CELSR1: variants seen among roughly 807,000 people sequenced by gnomAD.
CELSR1 encodes the protein cadherin EGF LAG seven-pass G-type receptor 1, also known as adhesion G protein-coupled receptor C1.
A neutral mutation model predicts 249.1 loss-of-function variants in CELSR1; 110 were observed. The observed-to-expected ratio is 0.44, with a 90% CI of 0.38 to 0.52. CELSR1 has a LOEUF of 0.52. Ranked by LOEUF, CELSR1 falls within the 20% of genes least tolerant of loss-of-function variation. The pLI, the probability that CELSR1 is intolerant of heterozygous loss-of-function variation, is 0.00. For missense variants in CELSR1, 4,109 were observed against 4,296.4 expected, an observed-to-expected ratio of 0.96 and a Z score of 1.22; for synonymous variants, 2,113 against 1,900.0, an observed-to-expected ratio of 1.11 and a Z score of -2.92.
At chr22:46,510,379 C>T (rs2080560755) in intron 1 of CELSR1, among the ~76,000 whole-genome samples, 1 of 152,082 alleles carries the variant, frequency 6.6e-6, no homozygotes, top group South Asian at 2.1e-4. Flanking sequence ...ACCCCCTTCC[C>T]GGAGCTTCCC....
intron 5 of CELSR1, among the ~76,000 whole-genome samples, chr22:46,432,306 G>C (rs1602127712): frequency 6.6e-6 from 1 of 152,234 alleles, no homozygotes; most frequent in South Asian, 2.1e-4. Flanking sequence ...CCCAACTGCT[G>C]GTGAGTCGCA....
At chr22:46,388,755 G>C (rs2079057337) in intron 18 of CELSR1, among the ~76,000 whole-genome samples, 1 of 151,548 alleles carries the variant, frequency 6.6e-6, no homozygotes. Flanking sequence ...AAACGATACT[G>C]CTCAGGGGAT....
In CELSR1 at chr22:46,408,870, C is replaced by T. The variant is rs2079296992; in HGVS notation, c.5226+126G>A. 2.7e-6 allele frequency: 2 copies of T among 728,094 alleles called. No homozygotes were observed. Among genetic ancestry groups the T allele is most frequent in the Non-Finnish European group, 2.2e-6 (1 of 458,452 alleles). 45.1% of individuals were successfully genotyped at this position (728,094 alleles called of 1,614,324 possible). A position where few individuals can be genotyped will look rare whatever the true frequency, so the allele number is the denominator to read the frequency against. On this transcript the variant is annotated intron_variant, in intron 9 of 34. Transcript: ENST00000674500. The surrounding 1 kb of genome is among the most constrained non-coding windows in gnomAD (Gnocchi z 4.6). ...CCCCTTCCCCCTCTTCGGAGAACCC[C>T]AGGGGCGGGCGCCGGAGGAAGGGCG...
chr22:46,452,225 A>G (rs552591185), intron 2 of CELSR1, among the ~76,000 whole-genome samples: 1 of 152,162 alleles, frequency 6.6e-6, no homozygotes, highest in East Asian at 1.9e-4. Flanking sequence ...TCCAGGGTCA[A>G]TCTCCTGAGG....
intron 5 of CELSR1, among the ~76,000 whole-genome samples, chr22:46,426,015 C>T (rs1049205687): frequency 2.0e-5 from 3 of 151,094 alleles, no homozygotes; most frequent in African/African-American, 7.4e-5. Flanking sequence ...TTCTTCCCTT[C>T]CTCCCTTCTT....
In CELSR1 at chr22:46,464,056, C is replaced by T. The variant is rs1468583967; in HGVS notation, c.3834G>A (p.Glu1278=). Residue 1278 remains glutamate (E), a synonymous_variant, in exon 2 of 35, where the codon GAG becomes GAA. Transcript: ENST00000674500. This position sits in a 1 kb window ranked among gnomAD's most constrained non-coding sequence, Gnocchi z 8.5. ...GGVRGQFFPS[E]DLQEQIYLNR... ...TCAGGTAGATCTGCTCCTGCAGGTCCTCCGACGGGAAGAACTGGCCGCGGA... is the reference window on the plus strand; with the variant it reads ...TCAGGTAGATCTGCTCCTGCAGGTCTTCCGACGGGAAGAACTGGCCGCGGA... 1 of 1,613,788 alleles carries T rather than the reference C, an allele frequency of 6.2e-7. No homozygotes were observed. The highest frequency in any genetic ancestry group is 2.2e-5 in the East Asian group (1 of 44,882).
intron 1 of CELSR1, among the ~76,000 whole-genome samples, chr22:46,467,339 A>C (rs913498420): frequency 1.3e-5 from 2 of 152,122 alleles, no homozygotes; most frequent in Admixed American, 6.6e-5. Flanking sequence ...AAACCACCTA[A>C]AGGTCCATCA....
At chr22:46,373,308 CAG>C (rs1219889674) in intron 24 of CELSR1, among the ~76,000 whole-genome samples, 4 of 152,250 alleles carry the variant, frequency 2.6e-5, no homozygotes, top group Non-Finnish European at 2.9e-5. Flanking sequence ...GTGAGAATGA[CAG>C]AGAGAGACTA....
chr22:46,454,458 C>T lies in CELSR1; in HGVS notation c.4183+9249G>A, dbSNP rs2079923079. Among the ~76,000 whole-genome samples, 2 of 152,224 alleles carry T rather than the reference C, an allele frequency of 1.3e-5. No individual in the cohort carries two copies. Among genetic ancestry groups the T allele is most frequent in the South Asian group, 4.1e-4 (2 of 4,830 alleles). On this transcript the variant is annotated intron_variant, in intron 2 of 34. Coordinates refer to ENST00000674500, the MANE Select transcript of CELSR1 (RefSeq NM_001378328.1). The surrounding 1 kb of genome is among the most constrained non-coding windows in gnomAD (Gnocchi z 5.1). ...ACAGACGCCCATGACCCGCAGCCAG[C>T]CCGGCCAGGCAGCCTTGTCTCCCCT...
At chr22:46,366,324 G>T in intron 30 of CELSR1, 62 bp downstream of exon 30, 1 of 1,359,070 alleles carries the variant, frequency 7.4e-7, no homozygotes. Flanking sequence ...GGTTGGGGTG[G>T]CAGGGGCAAA....
rs1420362256 is a variant in CELSR1, at chr22:46,488,735, C to T, written c.3545-24390G>A. Among the ~76,000 whole-genome samples, 7 of 151,760 alleles carry T rather than the reference C, an allele frequency of 4.6e-5. No homozygotes were observed. Among genetic ancestry groups the T allele is most frequent in the Non-Finnish European group, 1.0e-4 (7 of 67,954 alleles). The stretch of plus-strand genomic sequence containing the variant: ...AGTTCAGTGGCGTGATCTCGGCTCA[C>T]TGCAAGCTCCACCTCCCAGGTTCAT... On this transcript the variant is annotated intron_variant, in intron 1 of 34. Transcript: ENST00000674500. This position sits in a 1 kb window ranked among gnomAD's most constrained non-coding sequence, Gnocchi z 4.7.
chr22:46,411,337 T>C lies in CELSR1; in HGVS notation c.4769+265A>G, dbSNP rs9627450. On this transcript the variant is annotated intron_variant, in intron 6 of 34. Transcript: ENST00000674500. The surrounding 1 kb of genome is among the most constrained non-coding windows in gnomAD (Gnocchi z 4.2). Reference sequence around the variant, plus strand: ...AGCCAGTGATCCGTGGAGATGGGGCTGGAGACCGTCTCGGGGTCTGCAAGC... The same window carrying C: ...AGCCAGTGATCCGTGGAGATGGGGCCGGAGACCGTCTCGGGGTCTGCAAGC... 0.21 allele frequency among the ~76,000 whole-genome samples: 31,655 copies of C among 152,190 alleles called. 6,004 individuals are homozygous for C. Among genetic ancestry groups the C allele is most frequent in the African/African-American group, 0.51 (21,157 of 41,510 alleles).
Position 46,411,757 on chromosome 22 carries a change from G to A in CELSR1, c.4614C>T (p.Pro1538=). 1.2e-6 allele frequency: 2 copies of A among 1,614,014 alleles called. No individual in the cohort carries two copies. The highest frequency in any genetic ancestry group is 1.1e-5 in the South Asian group (1 of 91,090). ...HSVQVQYYNK[P]NIGHLGLPHG... ...GGGGCAGGCCCAGGTGGCCAATATT[G>A]GGCTGTAAGAAGAGAAAGCACAGAA... The change falls in exon 6 of 35, where the codon CCC becomes CCT. Residue 1538 remains proline (P), a splice_region_variant and synonymous_variant. Transcript: ENST00000674500. This position sits in a 1 kb window ranked among gnomAD's most constrained non-coding sequence, Gnocchi z 4.2.
chr22:46,377,031 A>G, intron 24 of CELSR1, 30 bp downstream of exon 24: 1 of 1,608,578 alleles, frequency 6.2e-7, no homozygotes, highest in South Asian at 1.1e-5. Flanking sequence ...TGCGGCCCAG[A>G]CAGTGGGGAG....
chr22:46,524,632 G>T (rs2080721136), intron 1 of CELSR1, among the ~76,000 whole-genome samples: 1 of 152,036 alleles, frequency 6.6e-6, no homozygotes, highest in African/African-American at 2.4e-5. Flanking sequence ...CAGGACAAGA[G>T]AACAGGCGCT....
Position 46,394,156 on chromosome 22 carries a change from G to C in CELSR1, c.5950C>G (p.Gln1984Glu). The change falls in exon 14 of 35, where the codon CAG becomes GAG. Residue 1984 changes from glutamine to glutamate, a missense_variant. Physicochemically the swap from Gln to Glu is conservative, Grantham distance 29. Around this residue, in one of 7 missense-constraint regions of CELSR1, gnomAD observed 1,805 missense variants for 1,831.6 expected, o/e 0.99. Transcript: ENST00000674500. Reference sequence around the variant, plus strand: ...CGGGGCCTCACCTTGCATTGGCACTGGCCGTTGGTCTTATTACAGTCGGGA... The same window carrying C: ...CGGGGCCTCACCTTGCATTGGCACTCGCCGTTGGTCTTATTACAGTCGGGA... ...FDPDCNKTNGQCQCKENYYKL... is the reference protein window; with the variant it reads ...FDPDCNKTNGECQCKENYYKL... 6.2e-7 allele frequency: 1 copy of C among 1,613,964 alleles called. No homozygotes were observed. Among genetic ancestry groups the C allele is most frequent in the Non-Finnish European group, 8.5e-7 (1 of 1,179,888 alleles).
chr22:46,453,726 C>T (rs1400826078), intron 2 of CELSR1, among the ~76,000 whole-genome samples: 1 of 152,176 alleles, frequency 6.6e-6, no homozygotes, highest in Admixed American at 6.5e-5. Context: ...AGGCTCAATT[C>T]GGACTCTCCA....
chr22:46,534,992 C>T lies in CELSR1; in HGVS notation c.2179G>A (p.Gly727Ser), dbSNP rs2080835517. 1.7e-5 allele frequency: 28 copies of T among 1,611,890 alleles called. No individual in the cohort carries two copies. The highest frequency in any genetic ancestry group is 2.1e-5 in the Non-Finnish European group (25 of 1,179,424). Residue 727 changes from glycine to serine, a missense_variant, in exon 1 of 35, where the codon GGC becomes AGC. By Grantham distance (56) the Gly-to-Ser change is moderately conservative. This residue lies in a region of CELSR1 where 886 missense variants were observed against 896.5 expected (regional missense o/e 0.99). Coordinates refer to ENST00000674500, the MANE Select transcript of CELSR1 (RefSeq NM_001378328.1). The surrounding 1 kb of genome is among the most constrained non-coding windows in gnomAD (Gnocchi z 9.7). Reference protein sequence around the residue: ...NSVITYQLTGGNTRNRFALSS... With the variant: ...NSVITYQLTGSNTRNRFALSS... ...AGTGCAAAGCGGTTCCGGGTGTTGC[C>T]GCCTGTGAGCTGGTAGGTAATCACA...
Position 46,396,864 on chromosome 22 carries a change from G to A in CELSR1, c.5702-118C>T, listed in dbSNP as rs767486267. On this transcript the variant is annotated intron_variant, in intron 12 of 34. Transcript: ENST00000674500. This position sits in a 1 kb window ranked among gnomAD's most constrained non-coding sequence, Gnocchi z 6.4. ...TGACTTTCCCTGGTACTCAGCAGAG[G>A]GAAGAGGAAGAGTGCCACAGAGTCC... is the stretch of plus-strand genomic sequence containing the variant. 4 of 1,337,454 alleles carry A rather than the reference G, an allele frequency of 3.0e-6. No individual in the cohort carries two copies. The highest frequency in any genetic ancestry group is 4.1e-6 in the Non-Finnish European group (4 of 971,344). 82.8% of individuals were successfully genotyped at this position (1,337,454 alleles called of 1,614,324 possible). A position where few individuals can be genotyped will look rare whatever the true frequency, so the allele number is the denominator to read the frequency against.
Sources: allele counts gnomAD v4.1 joint callset (sites outside exome capture counted in the v4.1 genomes callset), GRCh38; gene constraint gnomAD v4.1.1; regional missense constraint gnomAD v4.1.1; non-coding constraint Gnocchi (gnomAD v3.1); transcripts MANE v1.5; gene names NCBI Gene and HGNC (gene_info 2026-07-23, HGNC 2026-07-21).